NTRK2: variants seen among roughly 807,000 people sequenced by gnomAD.
The protein encoded by NTRK2 is BDNF/NT-3 growth factors receptor.
NTRK2 carries 13 observed loss-of-function variants against 94.5 expected under a neutral mutation model. The observed-to-expected ratio is 0.14, with a 90% CI of 0.09 to 0.22. NTRK2 has a LOEUF of 0.22. Ranked by LOEUF, NTRK2 falls within the 10% of genes least tolerant of loss-of-function variation. NTRK2 has a pLI of 1.00. For missense variants in NTRK2, 639 were observed against 1,071.2 expected (o/e 0.60, Z 5.63); for synonymous variants, 372 against 407.4 (o/e 0.91, Z 1.05).
At chr9:84,869,387 T>C (rs989830713) in intron 14 of NTRK2, among the ~76,000 whole-genome samples, 20 of 152,112 alleles carry the variant, frequency 1.3e-4, no homozygotes, top group Admixed American at 1.2e-3. Context: ...CCACACCATA[T>C]ATCAAACGAG....
chr9:84,700,955 A>C (rs1333086718), intron 2 of NTRK2, among the ~76,000 whole-genome samples: 1 of 152,086 alleles, frequency 6.6e-6, no homozygotes, highest in African/African-American at 2.4e-5. Flanking sequence ...TTGAGTACCT[A>C]CCTTGTACTG....
At chr9:84,844,166 G>A (rs1304869142) in intron 12 of NTRK2, among the ~76,000 whole-genome samples, 2 of 152,176 alleles carry the variant, frequency 1.3e-5, no homozygotes, top group Non-Finnish European at 2.9e-5. Context: ...ATTTAGAAAG[G>A]TCTTTTCAGC....
chr9:84,742,789 G>GCTTTTTTTTTTTTTTTTTTTTTTTTTTTT (rs1221783716), intron 10 of NTRK2, among the ~76,000 whole-genome samples: 1 of 103,706 alleles, frequency 9.6e-6, no homozygotes, highest in African/African-American at 4.0e-5. Context: ...CATTATATTA[G>GCTTTTTTTTTTTTTTTTTTTTTTTTTTTT]TTTTTTTTTT....
chr9:84,928,681 A>G lies in NTRK2; in HGVS notation c.1634-5481A>G, dbSNP rs868599744. 2.6e-5 allele frequency among the ~76,000 whole-genome samples: 4 copies of G among 152,256 alleles called. No homozygotes were observed. In the South Asian group the frequency reaches 8.3e-4, roughly 32 times the overall value. The stretch of plus-strand genomic sequence containing the variant: ...TGCCAAGCCTCTCACTGATCTGTCA[A>G]ACCCGAGGGAGCCAGTCTCGATGAT... On this transcript the variant is annotated intron_variant, in intron 14 of 18. Transcript: ENST00000277120.
chr9:84,922,535 CT>C (rs1330917275), intron 14 of NTRK2, among the ~76,000 whole-genome samples: 68 of 152,198 alleles, frequency 4.5e-4, no homozygotes, highest in African/African-American at 1.6e-3. Flanking sequence ...ACTGTGTGGG[CT>C]TTGAAGCAAT....
At chr9:84,725,827 C>T (rs1021922487) in intron 8 of NTRK2, among the ~76,000 whole-genome samples, 5 of 151,950 alleles carry the variant, frequency 3.3e-5, no homozygotes, top group African/African-American at 9.7e-5. Flanking sequence ...AAACTTTGCC[C>T]ATTTAAATTT....
At chr9:84,887,216 G>A (rs546640456) in intron 14 of NTRK2, among the ~76,000 whole-genome samples, 1 of 152,160 alleles carries the variant, frequency 6.6e-6, no homozygotes, top group African/African-American at 2.4e-5. Context: ...GAAATGTAAG[G>A]GGTTCTCGCA....
intron 12 of NTRK2, among the ~76,000 whole-genome samples, chr9:84,828,613 G>T (rs10114941): frequency 6.6e-6 from 1 of 152,060 alleles, no homozygotes; most frequent in East Asian, 1.9e-4. Context: ...TGCCAAGTGT[G>T]TCTAACTAAA....
chr9:84,716,948 TC>T (rs2061746347), intron 6 of NTRK2, among the ~76,000 whole-genome samples: 1 of 152,206 alleles, frequency 6.6e-6, no homozygotes, highest in African/African-American at 2.4e-5. Flanking sequence ...TAGGTCAGGC[TC>T]ATTTTGACTT....
intron 2 of NTRK2, among the ~76,000 whole-genome samples, chr9:84,677,139 G>A (rs188806236): frequency 6.6e-6 from 1 of 152,318 alleles, no homozygotes; most frequent in East Asian, 1.9e-4. Flanking sequence ...AGAGCAGACA[G>A]AGTGAAATGA....
chr9:84,780,428 G>T (rs1394624026), intron 12 of NTRK2, among the ~76,000 whole-genome samples: 1 of 152,132 alleles, frequency 6.6e-6, no homozygotes, highest in Admixed American at 6.5e-5. Context: ...AATATCTAAT[G>T]AAATAACCAT....
intron 14 of NTRK2, among the ~76,000 whole-genome samples, chr9:84,929,972 G>T (rs1286373234): frequency 2.0e-5 from 3 of 152,200 alleles, no homozygotes; most frequent in Admixed American, 6.5e-5. Context: ...AAGCATGTGA[G>T]AATTTTGCAT....
intron 6 of NTRK2, among the ~76,000 whole-genome samples, chr9:84,718,880 A>G (rs1487422897): frequency 6.6e-6 from 1 of 152,202 alleles, no homozygotes; most frequent in Admixed American, 6.5e-5. Context: ...TTTGGCCAGC[A>G]TATTAACGCT....
In NTRK2 at chr9:84,830,844, G is replaced by A. The variant is rs145570734; in HGVS notation, c.1397-30196G>A. The stretch of plus-strand genomic sequence containing the variant: ...TTTTAAACAATATATGAATTACAAA[G>A]TAGTAAAGATTTCCTATAATCCTGC... On this transcript the variant is annotated intron_variant, in intron 12 of 18. Coordinates refer to ENST00000277120, the MANE Select transcript of NTRK2 (RefSeq NM_006180.6). Among the ~76,000 whole-genome samples the A allele has an allele frequency of 3.1e-3, 474 of 152,112 alleles. 3 individuals are homozygous for A. Among genetic ancestry groups the A allele is most frequent in the African/African-American group, 0.01 (431 of 41,474 alleles).
Position 85,001,534 on chromosome 9 carries a change from C to T in NTRK2, c.2173-18672C>T, listed in dbSNP as rs760735703. Among the ~76,000 whole-genome samples, 10 of 146,716 alleles carry T rather than the reference C, an allele frequency of 6.8e-5. No homozygotes were observed. The Middle Eastern group carries it at 0.01, about 150-fold the overall frequency. ...TCCCAGCACCCCTTCTTACAGCATC[C>T]CCAATCTTTATGAGGAATTCTCTTG... On this transcript the variant is annotated intron_variant, in intron 17 of 18. Coordinates refer to ENST00000277120, the MANE Select transcript of NTRK2 (RefSeq NM_006180.6).
intron 12 of NTRK2, among the ~76,000 whole-genome samples, chr9:84,764,041 T>C (rs2065829475): frequency 6.6e-6 from 1 of 152,182 alleles, no homozygotes; most frequent in Non-Finnish European, 1.5e-5. Flanking sequence ...TTTCTAAAGG[T>C]TTGGTCAGAT....
chr9:84,902,144 T>C (rs1400115543), intron 14 of NTRK2, among the ~76,000 whole-genome samples: 2 of 151,064 alleles, frequency 1.3e-5, no homozygotes, highest in African/African-American at 4.9e-5. Flanking sequence ...TGCAGGGACC[T>C]GAGATCATGC....
chr9:84,830,703 T>G (rs1187296070), intron 12 of NTRK2, among the ~76,000 whole-genome samples: 2 of 152,174 alleles, frequency 1.3e-5, no homozygotes, highest in African/African-American at 4.8e-5. Context: ...TCTCAATATT[T>G]TTTTAAAAAA....
chr9:84,744,910 G>A (rs1007065465), intron 10 of NTRK2, 63 bp from the exon 11 acceptor site: 14 of 1,102,072 alleles, frequency 1.3e-5, no homozygotes, highest in Non-Finnish European at 2.0e-5. Context: ...CTGTGGCCCT[G>A]TGTTTGTTGG....
Sources: gnomAD v4.1 joint callset for allele counts (sites outside exome capture counted in the v4.1 genomes callset) on GRCh38, gnomAD v4.1.1 for gene constraint, MANE v1.5 for transcripts, NCBI Gene and HGNC (gene_info 2026-07-23, HGNC 2026-07-21) for gene names.